Variants in TLN2 observed in about 807,000 individuals in gnomAD.
TLN2 encodes the protein talin 2.
TLN2 carries 118 observed loss-of-function variants against 294.7 expected under a neutral mutation model. The ratio of observed to expected loss-of-function variants is 0.40; its 90% CI spans 0.34 to 0.47. The LOEUF (loss-of-function observed/expected upper bound fraction) is 0.47, where lower values mean the gene tolerates loss of function less well. Among genes scored for constraint, TLN2 ranks in the 20% least tolerant of loss-of-function variants. The pLI is 0.84. For synonymous variants in TLN2, 1,431 were observed against 1,304.5 expected (o/e 1.10, Z -2.09); for missense variants, 3,083 against 3,282.2 (o/e 0.94, Z 1.48).
rs147147707 is a variant in TLN2, at chr15:62,447,148, A to G, written c.-238+56463A>G. Among the ~76,000 whole-genome samples the G allele has an allele frequency of 3.6e-3, 467 of 128,796 alleles. 5 individuals are homozygous for G. The highest frequency in any genetic ancestry group is 0.018 in the South Asian group (62 of 3,538). The allele number at this position is 128,796 out of a possible 152,430, so 84.5% of individuals were successfully genotyped here. ...TTGGTTTCCCAGACTTTGTTCAAGA[A>G]GCCTATATTTATTTATTTATTTGTT... On this transcript the variant is annotated intron_variant, in intron 1 of 58. Transcript: ENST00000636159.
intron 2 of TLN2, among the ~76,000 whole-genome samples, chr15:62,598,274 G>T (rs1355661347): frequency 2.0e-5 from 3 of 152,188 alleles, no homozygotes; most frequent in African/African-American, 7.2e-5. Flanking sequence ...GGCTGAGAGC[G>T]TGGTGGTCGG....
intron 22 of TLN2, among the ~76,000 whole-genome samples, chr15:62,715,699 T>C (rs1486012873): frequency 6.6e-6 from 1 of 152,196 alleles, no homozygotes; most frequent in African/African-American, 2.4e-5. Flanking sequence ...CGGCATTACA[T>C]TTCTCTCATT....
At position 62,750,384 on chromosome 15, in the gene TLN2, T is replaced by G. The variant is rs760113321; in HGVS notation, c.4120-18T>G. 11 of 1,608,388 alleles carry G rather than the reference T, an allele frequency of 6.8e-6. No homozygotes were observed. Among genetic ancestry groups the G allele is most frequent in the Non-Finnish European group, 8.5e-6 (10 of 1,174,736 alleles). Reference sequence around the variant, plus strand: ...TATGACATTTGCTTGCTTTTTATGTTGTGTTCTTCTTCTGTAGACTGTGAA... The same window carrying G: ...TATGACATTTGCTTGCTTTTTATGTGGTGTTCTTCTTCTGTAGACTGTGAA... On this transcript the variant is annotated intron_variant, in intron 33 of 58. Coordinates refer to ENST00000636159, the MANE Select transcript of TLN2 (RefSeq NM_015059.3).
intron 1 of TLN2, among the ~76,000 whole-genome samples, chr15:62,424,653 C>CT (rs72381963): frequency 4.7e-4 from 71 of 151,380 alleles, no homozygotes; most frequent in Non-Finnish European, 8.6e-4. Context: ...TTTCTTTTTC[C>CT]TTTTTTTTTG....
chr15:62,613,852 C>CAA (rs774755284), intron 2 of TLN2, among the ~76,000 whole-genome samples: 136 of 80,460 alleles, frequency 1.7e-3, no homozygotes, highest in African/African-American at 5.7e-3. Context: ...GAAGCCAGGC[C>CAA]AAAAAAAAAA....
chr15:62,726,694 A>G (rs1458190387), intron 27 of TLN2, among the ~76,000 whole-genome samples: 1 of 152,184 alleles, frequency 6.6e-6, no homozygotes, highest in African/African-American at 2.4e-5. Flanking sequence ...AATTCTCACT[A>G]AGGATTTGTT....
chr15:62,393,010 T>C (rs916540443), intron 1 of TLN2, among the ~76,000 whole-genome samples: 1 of 152,106 alleles, frequency 6.6e-6, no homozygotes, highest in Non-Finnish European at 1.5e-5. Context: ...TTTTTTTTCA[T>C]TGAGCACTAG....
chr15:62,659,022 C>T lies in TLN2; in HGVS notation c.788+1124C>T, dbSNP rs140628374. Among the ~76,000 whole-genome samples the T allele has an allele frequency of 2.6e-5, 4 of 152,212 alleles. No homozygotes were observed. The East Asian group carries it at 7.7e-4, about 29-fold the overall frequency. On this transcript the variant is annotated intron_variant, in intron 9 of 58. Transcript: ENST00000636159. Reference sequence around the variant, plus strand: ...TAAAAAATGGAAATAAAACGTTTACCTATTTTTAGGCATTTGTAGCTGTGA... The same window carrying T: ...TAAAAAATGGAAATAAAACGTTTACTTATTTTTAGGCATTTGTAGCTGTGA...
In TLN2 at chr15:62,843,805, T is replaced by C. The variant is rs886621946; in HGVS notation, c.*3195T>C. On this transcript the variant is annotated 3_prime_UTR_variant, in exon 59 of 59. Transcript: ENST00000636159. ...GGAACCAGACACAGGTCAAAAGTGG[T>C]GAGCAAGCCATGGTCTCTGCTCCTG... 1.3e-5 allele frequency: 2 copies of C among 152,318 alleles called. No homozygotes were observed. The highest frequency in any genetic ancestry group is 2.4e-5 in the African/African-American group (1 of 41,566). 9.4% of individuals were successfully genotyped at this position (152,318 alleles called of 1,614,324 possible).
chr15:62,563,062 A>G (rs1272689029), intron 1 of TLN2, among the ~76,000 whole-genome samples: 1 of 151,996 alleles, frequency 6.6e-6, no homozygotes, highest in African/African-American at 2.4e-5. Flanking sequence ...ACATGCATGT[A>G]TAAGTATTTT....
intron 11 of TLN2, among the ~76,000 whole-genome samples, chr15:62,678,375 A>G (rs1477293132): frequency 1.3e-5 from 2 of 152,268 alleles, no homozygotes; most frequent in Admixed American, 6.5e-5. Flanking sequence ...GATATCATAT[A>G]ACTATTTTAT....
chr15:62,409,920 C>T (rs2033663309), intron 1 of TLN2, among the ~76,000 whole-genome samples: 1 of 152,142 alleles, frequency 6.6e-6, no homozygotes, highest in Admixed American at 6.5e-5. Flanking sequence ...GTTCTTCCTT[C>T]TGGGAAAATG....
chr15:62,758,168 G>A (rs187061178), intron 37 of TLN2, among the ~76,000 whole-genome samples: 405 of 152,190 alleles, frequency 2.7e-3, no homozygotes, highest in Non-Finnish European at 3.9e-3. Context: ...AAGAAGGGAG[G>A]GGAGCCACCA....
intron 9 of TLN2, among the ~76,000 whole-genome samples, chr15:62,673,090 G>GTGTGTGTGTGTGTGTGTC (rs1555464944): frequency 6.6e-6 from 1 of 151,586 alleles, no homozygotes; most frequent in African/African-American, 2.4e-5. Context: ...GTGTGTGTGT[G>GTGTGTGTGTGTGTGTGTC]TGTGTGTGTC....
intron 37 of TLN2, among the ~76,000 whole-genome samples, chr15:62,757,756 C>G (rs2062387899): frequency 6.6e-6 from 1 of 152,088 alleles, no homozygotes; most frequent in African/African-American, 2.4e-5. Flanking sequence ...GCCTCCGTCT[C>G]CTGGCGCACC....
At chr15:62,711,581 C>G (rs1262377285) in intron 21 of TLN2, among the ~76,000 whole-genome samples, 3 of 152,194 alleles carry the variant, frequency 2.0e-5, no homozygotes, top group Non-Finnish European at 4.4e-5. Context: ...GCAATGTTTT[C>G]TAAATAAGTA....
At chr15:62,831,009 C>A (rs1205131278) in intron 54 of TLN2, 1 of 148,570 alleles carries the variant, frequency 6.7e-6, no homozygotes, top group African/African-American at 2.5e-5. Flanking sequence ...AAAATATTTC[C>A]AAGTTGAATA....
chr15:62,668,034 A>G (rs1276152063), intron 9 of TLN2, among the ~76,000 whole-genome samples: 1 of 152,168 alleles, frequency 6.6e-6, no homozygotes. Context: ...AAACGGTAGG[A>G]AAGTGGTTAC....
chr15:62,684,379 G>T (rs143884790), intron 11 of TLN2, among the ~76,000 whole-genome samples: 6 of 152,212 alleles, frequency 3.9e-5, no homozygotes, highest in African/African-American at 1.2e-4. Context: ...CTAAAACTCT[G>T]TGTGGCTCCT....
Sources: gnomAD v4.1 joint callset for allele counts (sites outside exome capture counted in the v4.1 genomes callset) on GRCh38, gnomAD v4.1.1 for gene constraint, MANE v1.5 for transcripts, NCBI Gene and HGNC (gene_info 2026-07-23, HGNC 2026-07-21) for gene names.